Variants in VCL observed in about 807,000 individuals in gnomAD.
The protein encoded by VCL is epididymis luminal protein 114.
A neutral mutation model predicts 125.7 loss-of-function variants in VCL; 47 were observed. The ratio of observed to expected loss-of-function variants is 0.37; its 90% CI spans 0.30 to 0.48. The LOEUF (loss-of-function observed/expected upper bound fraction) is 0.48. Among genes scored for constraint, VCL ranks in the 20% least tolerant of loss-of-function variants. The pLI is 0.99. For missense variants in VCL, 1,069 were observed against 1,455.5 expected (o/e 0.73, Z 4.32); for synonymous variants, 458 against 514.6 (o/e 0.89, Z 1.49).
intron 2 of VCL, among the ~76,000 whole-genome samples, chr10:74,050,932 ATTTTTT>A (rs10607921): frequency 3.9e-5 from 3 of 77,438 alleles, no homozygotes; most frequent in South Asian, 5.5e-4. Flanking sequence ...GTACTACTGT[ATTTTTT>A]TTTTTTTTTT....
intron 1 of VCL, among the ~76,000 whole-genome samples, chr10:74,008,444 T>TGGG: frequency 6.6e-6 from 1 of 152,336 alleles, no homozygotes; most frequent in Non-Finnish European, 1.5e-5. Flanking sequence ...AAAGTGGCGT[T>TGGG]GGGATTTTGC....
intron 6 of VCL, among the ~76,000 whole-genome samples, chr10:74,079,198 C>A (rs7913979): frequency 2.0e-5 from 3 of 152,004 alleles, no homozygotes; most frequent in East Asian, 1.9e-4. Flanking sequence ...AACATGAATT[C>A]ATAAGAATTT....
chr10:74,048,018 C>T (rs1476337616), intron 2 of VCL, among the ~76,000 whole-genome samples: 1 of 152,118 alleles, frequency 6.6e-6, no homozygotes, highest in Non-Finnish European at 1.5e-5. Flanking sequence ...TAATTTTACC[C>T]AAGACTGCAA....
chr10:74,030,969 A>G (rs1160713609), intron 1 of VCL, among the ~76,000 whole-genome samples: 1 of 152,198 alleles, frequency 6.6e-6, no homozygotes, highest in Non-Finnish European at 1.5e-5. Context: ...AATTCTACAC[A>G]AAATCCACTA....
At chr10:74,037,011 C>T (rs993458201) in intron 1 of VCL, among the ~76,000 whole-genome samples, 14 of 151,556 alleles carry the variant, frequency 9.2e-5, no homozygotes, top group Admixed American at 2.0e-4. Flanking sequence ...CCCGGGTTCG[C>T]GCCATTCTCC....
At chr10:74,030,378 G>A (rs1181531339) in intron 1 of VCL, among the ~76,000 whole-genome samples, 1 of 152,210 alleles carries the variant, frequency 6.6e-6, no homozygotes, top group Non-Finnish European at 1.5e-5. Flanking sequence ...AATAGTCTGT[G>A]TGTTGCACTT....
At chr10:74,005,771 T>C (rs1840313574) in intron 1 of VCL, among the ~76,000 whole-genome samples, 2 of 152,228 alleles carry the variant, frequency 1.3e-5, no homozygotes, top group Admixed American at 1.3e-4. Flanking sequence ...CCTGTATACT[T>C]TGTCATCTCT....
At chr10:74,039,015 G>A (rs1841039435) in intron 1 of VCL, among the ~76,000 whole-genome samples, 1 of 152,038 alleles carries the variant, frequency 6.6e-6, no homozygotes, top group African/African-American at 2.4e-5. Flanking sequence ...AGGTTCAAGC[G>A]ATTCTCTTGC....
chr10:74,011,165 CAAAAAAAAAA>C (rs71021585), intron 1 of VCL, among the ~76,000 whole-genome samples: 2 of 52,302 alleles, frequency 3.8e-5, no homozygotes, highest in Non-Finnish European at 6.7e-5. Flanking sequence ...AACTCTATCT[CAAAAAAAAAA>C]AAAAAAAAAA....
chr10:74,007,833 A>AT (rs2136224595), intron 1 of VCL, among the ~76,000 whole-genome samples: 1 of 147,810 alleles, frequency 6.8e-6, no homozygotes, highest in South Asian at 2.1e-4. Context: ...ATGGAGTTTC[A>AT]TTCTTGTTGC....
At chr10:74,047,747 CT>C (rs1252466062) in intron 2 of VCL, among the ~76,000 whole-genome samples, 3 of 152,060 alleles carry the variant, frequency 2.0e-5, no homozygotes, top group African/African-American at 7.2e-5. Context: ...AGATATGATA[CT>C]TTTAGGATTT....
rs1840161612 is a variant in VCL at position 73,998,557 on chromosome 10, C to T, written c.168+182C>T. On this transcript the variant is annotated intron_variant, in intron 1 of 21. Transcript: ENST00000211998. Reference sequence around the variant, plus strand: ...GTGACCTTGAGCGAGTCCTGAGCCTCTCCGGGCCTCAGTGTCCTCATCTAT... The same window carrying T: ...GTGACCTTGAGCGAGTCCTGAGCCTTTCCGGGCCTCAGTGTCCTCATCTAT... 2.6e-5 allele frequency among the ~76,000 whole-genome samples: 4 copies of T among 152,322 alleles called. 1 individual carries two copies. In the South Asian group the frequency reaches 8.3e-4, roughly 32 times the overall value.
intron 1 of VCL, among the ~76,000 whole-genome samples, chr10:74,029,587 C>T (rs920738916): frequency 6.6e-6 from 1 of 152,162 alleles, no homozygotes; most frequent in African/African-American, 2.4e-5. Context: ...GCCAAGGAAG[C>T]TTAACATTGG....
chr10:74,018,517 G>A (rs1840602996), intron 1 of VCL, among the ~76,000 whole-genome samples: 1 of 152,086 alleles, frequency 6.6e-6, no homozygotes, highest in Admixed American at 6.6e-5. Context: ...AGTGTTTGAA[G>A]CATGAGGAAG....
At chr10:74,040,076 CT>C (rs1841064492) in intron 1 of VCL, among the ~76,000 whole-genome samples, 1 of 152,192 alleles carries the variant, frequency 6.6e-6, no homozygotes, top group Non-Finnish European at 1.5e-5. Flanking sequence ...GTGACTCCTT[CT>C]TAGTTTCAAA....
At chr10:74,018,949 A>AT (rs1840611284) in intron 1 of VCL, among the ~76,000 whole-genome samples, 6 of 151,302 alleles carry the variant, frequency 4.0e-5, no homozygotes, top group African/African-American at 1.2e-4. Flanking sequence ...CTGTTTCTTG[A>AT]TTTTTTTTTC....
rs544171734 is a variant in VCL at position 74,014,391 on chromosome 10, C to G, written c.168+16016C>G. Among the ~76,000 whole-genome samples the G allele has an allele frequency of 7.9e-5, 12 of 152,008 alleles. No individual in the cohort carries two copies. The South Asian group carries it at 2.5e-3, about 32-fold the overall frequency. On this transcript the variant is annotated intron_variant, in intron 1 of 21. Coordinates refer to ENST00000211998, the MANE Select transcript of VCL (RefSeq NM_014000.3). ...GGACTACAAGCATGTACAGCCATGC[C>G]TGGCTAATTTTTTTTGTATTTTTAG...
At chr10:74,018,147 A>T (rs1033897177) in intron 1 of VCL, among the ~76,000 whole-genome samples, 14 of 141,854 alleles carry the variant, frequency 9.9e-5, no homozygotes, top group African/African-American at 3.7e-4. Flanking sequence ...AAAGAAAAAA[A>T]AATCTGGTAA....
chr10:74,019,008 T>G (rs185219675), intron 1 of VCL, among the ~76,000 whole-genome samples: 22 of 152,338 alleles, frequency 1.4e-4, no homozygotes, highest in Non-Finnish European at 2.5e-4. Flanking sequence ...CTACAGAACT[T>G]TCTCTTCTTT....
Sources: allele counts gnomAD v4.1 joint callset (sites outside exome capture counted in the v4.1 genomes callset), GRCh38; gene constraint gnomAD v4.1.1; transcripts MANE v1.5; gene names NCBI Gene and HGNC (gene_info 2026-07-23, HGNC 2026-07-21).